Variants in SLIT3 observed in about 807,000 individuals in gnomAD.
SLIT3 encodes slit homolog 3 protein.
SLIT3 carries 68 observed loss-of-function variants against 184.0 expected under a neutral mutation model. That is an observed-to-expected ratio of 0.37 (90% confidence interval 0.30 to 0.45). SLIT3 has a LOEUF of 0.45. SLIT3 is among the 20% of genes least tolerant of loss of function. The pLI is 1.00. For synonymous variants in SLIT3, 831 were observed against 828.6 expected (o/e 1.00, Z -0.05); for missense variants, 1,707 against 2,026.0 (o/e 0.84, Z 3.02).
At chr5:168,806,395 A>G in intron 9 of SLIT3, 51 bp downstream of exon 9, 2 of 1,605,690 alleles carry the variant, frequency 1.2e-6, no homozygotes, top group Non-Finnish European at 1.7e-6. Flanking sequence ...TGGGACAGGG[A>G]GCTGAATTCT....
At chr5:168,716,513 C>T (rs1361457072) in intron 23 of SLIT3, among the ~76,000 whole-genome samples, 1 of 152,270 alleles carries the variant, frequency 6.6e-6, no homozygotes. Flanking sequence ...CATGACTCCT[C>T]CTCTATGTTT....
intron 8 of SLIT3, among the ~76,000 whole-genome samples, chr5:168,813,564 C>T (rs940721199): frequency 6.6e-6 from 1 of 152,232 alleles, no homozygotes; most frequent in Non-Finnish European, 1.5e-5. Flanking sequence ...AGATAAAGCT[C>T]TATTTCCCCA....
intron 4 of SLIT3, among the ~76,000 whole-genome samples, chr5:168,965,303 G>A (rs1380224907): frequency 1.3e-5 from 2 of 152,186 alleles, no homozygotes; most frequent in Non-Finnish European, 2.9e-5. Context: ...TTGTTTAGGC[G>A]ACTTTGCTCA....
In SLIT3 at chr5:169,226,529, C is replaced by T. The variant is rs548716885; in HGVS notation, c.341+18176G>A. 4.6e-5 allele frequency among the ~76,000 whole-genome samples: 7 copies of T among 152,254 alleles called. 1 individual carries two copies. The South Asian group carries it at 8.3e-4, about 18-fold the overall frequency. On this transcript the variant is annotated intron_variant, in intron 3 of 35. Transcript: ENST00000519560. ...CTAAAAACAAATTGGGTGCCTTCGC[C>T]GACATTGTTTCCTCATCTGTCAAAT...
chr5:168,808,452 C>T (rs1403260323), intron 8 of SLIT3, among the ~76,000 whole-genome samples: 3 of 152,154 alleles, frequency 2.0e-5, no homozygotes, highest in African/African-American at 7.2e-5. Context: ...GGGAAAATAA[C>T]AATACTTATT....
intron 29 of SLIT3, among the ~76,000 whole-genome samples, chr5:168,688,425 T>C (rs1232888044): frequency 6.6e-6 from 1 of 152,078 alleles, no homozygotes; most frequent in Non-Finnish European, 1.5e-5. Context: ...CTCATCCCTC[T>C]CCTCCCTCTC....
At chr5:169,118,724 G>A (rs1476570825) in intron 4 of SLIT3, among the ~76,000 whole-genome samples, 1 of 152,078 alleles carries the variant, frequency 6.6e-6, no homozygotes, top group African/African-American at 2.4e-5. Flanking sequence ...GCATTTTCAG[G>A]AACCTGTTCA....
chr5:168,927,173 A>C (rs1761855360), intron 4 of SLIT3, among the ~76,000 whole-genome samples: 1 of 152,240 alleles, frequency 6.6e-6, no homozygotes, highest in African/African-American at 2.4e-5. Flanking sequence ...ATAATGAGAT[A>C]TTACTCAGCC....
At chr5:168,771,230 T>C (rs923306577) in intron 14 of SLIT3, among the ~76,000 whole-genome samples, 37 of 152,206 alleles carry the variant, frequency 2.4e-4, no homozygotes, top group African/African-American at 8.7e-4. Context: ...ACGATTGTGC[T>C]TTGGGTGAGA....
intron 20 of SLIT3, among the ~76,000 whole-genome samples, chr5:168,744,314 A>C (rs1342919606): frequency 6.6e-6 from 1 of 152,116 alleles, no homozygotes; most frequent in African/African-American, 2.4e-5. Context: ...AAAACAAAAG[A>C]AGCTATCTTC....
intron 4 of SLIT3, among the ~76,000 whole-genome samples, chr5:168,972,337 A>ATGTGTGTGTGTGTG (rs60588036): frequency 0.017 from 2,002 of 118,292 alleles, 139 homozygotes; most frequent in African/African-American, 0.061. Context: ...GCAGGACAAC[A>ATGTGTGTGTGTGTG]TGTGTGTGTG....
At chr5:169,039,260 A>G (rs1561624805) in intron 4 of SLIT3, among the ~76,000 whole-genome samples, 1 of 151,564 alleles carries the variant, frequency 6.6e-6, no homozygotes, top group Non-Finnish European at 1.5e-5. Flanking sequence ...AGAGAAGGCT[A>G]CTTTCAGGCT....
intron 4 of SLIT3, among the ~76,000 whole-genome samples, chr5:169,097,338 GA>G (rs1314672962): frequency 6.6e-6 from 1 of 151,930 alleles, no homozygotes; most frequent in African/African-American, 2.4e-5. Context: ...ACCCACAAAA[GA>G]ATGAAAGGAA....
chr5:168,892,007 G>C (rs560729302), intron 4 of SLIT3, among the ~76,000 whole-genome samples: 1 of 152,300 alleles, frequency 6.6e-6, no homozygotes, highest in East Asian at 1.9e-4. Flanking sequence ...TGGCCTGCAG[G>C]CTCAGATTTG....
chr5:168,671,102 C>A, intron 34 of SLIT3, 96 bp downstream of exon 34: 2 of 1,379,370 alleles, frequency 1.4e-6, no homozygotes, highest in South Asian at 1.3e-5. Flanking sequence ...GACTGCAACT[C>A]CTCCAGCCTC....
At chr5:168,856,983 T>C (rs920696151) in intron 5 of SLIT3, among the ~76,000 whole-genome samples, 2 of 151,254 alleles carry the variant, frequency 1.3e-5, no homozygotes, top group Non-Finnish European at 2.9e-5. Context: ...GAAGGGATGG[T>C]GGGGGGGCCT....
chr5:168,952,526 G>A (rs1354013931), intron 4 of SLIT3, among the ~76,000 whole-genome samples: 1 of 34,582 alleles, frequency 2.9e-5, no homozygotes, highest in Non-Finnish European at 4.5e-5. Flanking sequence ...AAGGGAAAAT[G>A]CCAAAAAAAA....
chr5:169,238,543 CTT>C (rs71698425), intron 3 of SLIT3, among the ~76,000 whole-genome samples: 7,992 of 117,028 alleles, frequency 0.068, 291 homozygotes, highest in Middle Eastern at 0.15. Context: ...AGTGAAATAG[CTT>C]TTTTTTTTTT....
chr5:168,833,633 A>G (rs547119782), intron 6 of SLIT3, among the ~76,000 whole-genome samples: 1 of 152,330 alleles, frequency 6.6e-6, no homozygotes, highest in African/African-American at 2.4e-5. Flanking sequence ...GCTAGAGATT[A>G]AAAGGTGATG....
Sources: gnomAD v4.1 joint callset for allele counts (sites outside exome capture counted in the v4.1 genomes callset) on GRCh38, gnomAD v4.1.1 for gene constraint, MANE v1.5 for transcripts, NCBI Gene and HGNC (gene_info 2026-07-23, HGNC 2026-07-21) for gene names.